Variants in TNFRSF11A observed in about 807,000 individuals in gnomAD.
TNFRSF11A encodes the protein tumor necrosis factor receptor superfamily member 11A.
A neutral mutation model predicts 55.7 loss-of-function variants in TNFRSF11A; 32 were observed. The observed-to-expected ratio is 0.57, with a 90% CI of 0.43 to 0.77. The LOEUF is 0.77. Among genes scored for constraint, TNFRSF11A ranks in the 30% least tolerant of loss-of-function variants. The pLI, the probability that TNFRSF11A is intolerant of heterozygous loss-of-function variation, is 0.00. For missense variants in TNFRSF11A, 753 were observed against 809.8 expected (o/e 0.93, Z 0.85); for synonymous variants, 311 against 331.0 (o/e 0.94, Z 0.65).
intron 1 of TNFRSF11A, among the ~76,000 whole-genome samples, chr18:62,347,385 T>G (rs2046398680): frequency 6.6e-6 from 1 of 152,186 alleles, no homozygotes; most frequent in Non-Finnish European, 1.5e-5. Flanking sequence ...CTCTGGGTGA[T>G]TATAGATGCC....
Position 62,349,771 on chromosome 18 carries a change from G to C in TNFRSF11A, c.158-41G>C, listed in dbSNP as rs763897462. On this transcript the variant is annotated intron_variant, in intron 2 of 9. Coordinates refer to ENST00000586569, the MANE Select transcript of TNFRSF11A (RefSeq NM_003839.4). ...TTGCTTTGTGTTGCTGTTTTTGTTT[G>C]GTTTTTTGATGGTTGCATTTTTCTC... 1.9e-6 allele frequency: 3 copies of C among 1,611,534 alleles called. No individual in the cohort carries two copies. The East Asian group carries it at 6.7e-5, about 36-fold the overall frequency.
intron 3 of TNFRSF11A, among the ~76,000 whole-genome samples, chr18:62,352,216 C>G (rs1267306758): frequency 6.6e-6 from 1 of 152,234 alleles, no homozygotes; most frequent in East Asian, 1.9e-4. Flanking sequence ...TTGTCTTAAA[C>G]TACAATCAGA....
chr18:62,376,889 A>G (rs1055649238), intron 9 of TNFRSF11A, among the ~76,000 whole-genome samples: 1 of 151,924 alleles, frequency 6.6e-6, no homozygotes, highest in Non-Finnish European at 1.5e-5. Flanking sequence ...AGTTTCCTCC[A>G]TGTCTTTTCA....
intron 5 of TNFRSF11A, among the ~76,000 whole-genome samples, chr18:62,358,873 A>G (rs940754440): frequency 1.3e-5 from 2 of 152,158 alleles, no homozygotes; most frequent in African/African-American, 4.8e-5. Flanking sequence ...GATGTACTGT[A>G]AGTTATGTAA....
At chr18:62,330,516 C>A (rs913717819) in intron 1 of TNFRSF11A, among the ~76,000 whole-genome samples, 2 of 152,184 alleles carry the variant, frequency 1.3e-5, no homozygotes, top group African/African-American at 4.8e-5. Context: ...AAAGCCAGCA[C>A]TCAAAGGCTT....
At chr18:62,348,340 T>C in intron 2 of TNFRSF11A, 91 bp downstream of exon 2, 1 of 1,176,582 alleles carries the variant, frequency 8.5e-7, no homozygotes, top group South Asian at 1.3e-5. Flanking sequence ...AAAAAAGAAA[T>C]TGGATAGACG....
At position 62,369,168 on chromosome 18, in the gene TNFRSF11A, C is replaced by A; in HGVS notation, c.1251C>A (p.Ser417=). The part of the protein sequence containing the change: ...PLCRTDWTPM[S]SENYLQKEVD... ...GCAGGACTGATTGGACTCCCATGTC[C>A]TCTGAAAACTACTTGCAAAAAGAGG... The change falls in exon 9 of 10, where the codon TCC becomes TCA. Residue 417 remains serine, a synonymous_variant. Coordinates refer to ENST00000586569, the MANE Select transcript of TNFRSF11A (RefSeq NM_003839.4). 6.2e-7 allele frequency: 1 copy of A among 1,614,126 alleles called. No individual in the cohort carries two copies.
chr18:62,355,440 G>A (rs35347147), intron 4 of TNFRSF11A, among the ~76,000 whole-genome samples: 29,307 of 151,982 alleles, frequency 0.19, 3,751 homozygotes, highest in Non-Finnish European at 0.27. Flanking sequence ...ACCACGCCTG[G>A]CTAATTTTGT....
intron 8 of TNFRSF11A, among the ~76,000 whole-genome samples, chr18:62,368,041 A>C (rs888588745): frequency 8.6e-5 from 13 of 151,954 alleles, no homozygotes; most frequent in Non-Finnish European, 1.6e-4. Flanking sequence ...TGATCCACCC[A>C]CCTTGGTCTC....
chr18:62,374,329 G>A (rs768492635), intron 9 of TNFRSF11A, among the ~76,000 whole-genome samples: 5 of 152,118 alleles, frequency 3.3e-5, no homozygotes, highest in Admixed American at 2.6e-4. Flanking sequence ...ATTAAATACT[G>A]TTTCCCTTCC....
At chr18:62,333,335 G>A (rs947858271) in intron 1 of TNFRSF11A, among the ~76,000 whole-genome samples, 1 of 152,144 alleles carries the variant, frequency 6.6e-6, no homozygotes, top group African/African-American at 2.4e-5. Context: ...GAAACTCTGG[G>A]GGTGGGGGCC....
rs370593948 is a variant in TNFRSF11A at position 62,390,124 on chromosome 18, G to A, written c.*5090G>A. 7.2e-5 allele frequency: 11 copies of A among 152,250 alleles called. No individual in the cohort carries two copies. Among genetic ancestry groups the A allele is most frequent in the African/African-American group, 2.2e-4 (9 of 41,520 alleles). The allele number at this position is 152,250 out of a possible 1,614,324, so 9.4% of individuals were successfully genotyped here. On this transcript the variant is annotated 3_prime_UTR_variant, in exon 10 of 10. Transcript: ENST00000586569. ...GACACTTGTTCATTCCTGGGCTCAGGAGCCATCTCAGTCATCATGTCGGAC... is the reference window on the plus strand; with the variant it reads ...GACACTTGTTCATTCCTGGGCTCAGAAGCCATCTCAGTCATCATGTCGGAC...
intron 9 of TNFRSF11A, among the ~76,000 whole-genome samples, chr18:62,373,431 C>T (rs952034911): frequency 6.0e-5 from 9 of 150,758 alleles, no homozygotes; most frequent in East Asian, 1.9e-4. Flanking sequence ...CCAGCCTGGG[C>T]GGCAGAGCAA....
intron 3 of TNFRSF11A, among the ~76,000 whole-genome samples, chr18:62,351,116 C>T (rs1219410015): frequency 6.6e-6 from 1 of 151,280 alleles, no homozygotes; most frequent in African/African-American, 2.4e-5. Context: ...TATTCTGCTG[C>T]CTCAGCCTCC....
At chr18:62,371,534 G>C (rs1910551521) in intron 9 of TNFRSF11A, among the ~76,000 whole-genome samples, 1 of 152,170 alleles carries the variant, frequency 6.6e-6, no homozygotes, top group South Asian at 2.1e-4. Flanking sequence ...CATCAACTAA[G>C]TGGTGTTAAT....
At position 62,366,743 on chromosome 18, in the gene TNFRSF11A, C is replaced by T. The variant is rs1266722591; in HGVS notation, c.766C>T (p.Arg256Cys). The T allele has an allele frequency of 3.7e-6, 6 of 1,614,108 alleles. No homozygotes were observed. Among genetic ancestry groups the T allele is most frequent in the South Asian group, 3.3e-5 (3 of 91,080 alleles). Residue 256 changes from arginine to cysteine, a missense_variant, in exon 8 of 10, where the codon CGC becomes TGC. Arg to Cys is a radical substitution (Grantham distance 180, BLOSUM62 -3). This residue lies in a region of TNFRSF11A where 567 missense variants were observed against 596.7 expected (regional missense o/e 0.95). Coordinates refer to ENST00000586569, the MANE Select transcript of TNFRSF11A (RefSeq NM_003839.4). ...LWHWINEACG[R>C]LSGDKESSGD... The stretch of plus-strand genomic sequence containing the variant: ...GCACTGGATCAATGAGGCTTGTGGC[C>T]GCCTAAGTGGAGATAAGGTAGAGTG...
At chr18:62,367,630 T>C (rs1241612888) in intron 8 of TNFRSF11A, among the ~76,000 whole-genome samples, 1 of 152,148 alleles carries the variant, frequency 6.6e-6, no homozygotes, top group African/African-American at 2.4e-5. Flanking sequence ...CAGTGTGTAT[T>C]TAAGAACAAA....
rs1909706660 is a variant in TNFRSF11A, at chr18:62,361,771, G to A, written c.708G>A (p.Arg236=). 3.7e-6 allele frequency: 6 copies of A among 1,613,770 alleles called. No homozygotes were observed. Among genetic ancestry groups the A allele is most frequent in the African/African-American group, 1.3e-5 (1 of 74,866 alleles). ...VAAIIFGVCY[R]KKGKALTANL... ...CCATCATCTTTGGCGTTTGCTATAGGAAAAAAGGGAAAGCACTCACAGGTA... is the reference window on the plus strand; with the variant it reads ...CCATCATCTTTGGCGTTTGCTATAGAAAAAAAGGGAAAGCACTCACAGGTA... The change falls in exon 7 of 10, where the codon AGG becomes AGA. Residue 236 remains arginine (R), a synonymous_variant. Transcript: ENST00000586569.
rs1003815147 is a variant in TNFRSF11A at position 62,388,964 on chromosome 18, G to C, written c.*3930G>C. On this transcript the variant is annotated 3_prime_UTR_variant, in exon 10 of 10. Coordinates refer to ENST00000586569, the MANE Select transcript of TNFRSF11A (RefSeq NM_003839.4). The stretch of plus-strand genomic sequence containing the variant: ...AGGTGCTGTCTTTGGTGGAAGAAAC[G>C]TAGTTTTGAGTTGTTTGCTCTTTGA... 6.6e-6 allele frequency: 1 copy of C among 152,302 alleles called. No individual in the cohort carries two copies. Among genetic ancestry groups the C allele is most frequent in the Non-Finnish European group, 1.5e-5 (1 of 68,060 alleles). 9.4% of individuals were successfully genotyped at this position (152,302 alleles called of 1,614,324 possible). A position where few individuals can be genotyped will look rare whatever the true frequency, so the allele number is the denominator to read the frequency against.
Sources: allele counts gnomAD v4.1 joint callset (sites outside exome capture counted in the v4.1 genomes callset), GRCh38; gene constraint gnomAD v4.1.1; regional missense constraint gnomAD v4.1.1; transcripts MANE v1.5; gene names NCBI Gene and HGNC (gene_info 2026-07-23, HGNC 2026-07-21).